Variants in SLC22A6 observed in about 807,000 individuals in gnomAD.
SLC22A6 encodes the protein PAH transporter.
In SLC22A6, 45 loss-of-function variants were observed where a neutral mutation model predicts 56.7. The ratio of observed to expected loss-of-function variants is 0.79; its 90% confidence interval spans 0.63 to 1.02. SLC22A6 has a LOEUF of 1.02. Among genes scored for constraint, SLC22A6 ranks in the 50% least tolerant of loss-of-function variants. The pLI is 0.00. For missense variants in SLC22A6, 606 were observed against 713.8 expected (o/e 0.85, Z 1.72); for synonymous variants, 291 against 295.9 (o/e 0.98, Z 0.17).
chr11:62,979,485 C>A lies in SLC22A6; in HGVS notation c.1361+3G>T, dbSNP rs780737451. On this transcript the variant is annotated splice_donor_region_variant and intron_variant, in intron 8 of 9. Transcript: ENST00000360421. ...GTCATTCTCCCATTAGGCTCCCACT[C>A]ACCGGATCATTGTGGGATACAGTTC... 1.9e-6 allele frequency: 3 copies of A among 1,563,776 alleles called. No individual in the cohort carries two copies. Among genetic ancestry groups the A allele is most frequent in the Non-Finnish European group, 8.8e-7 (1 of 1,134,252 alleles).
chr11:62,979,994 A>AAGTGGGGTGCTCTTTCAAAAC (rs1187539224), intron 6 of SLC22A6, 46 bp from the exon 7 acceptor site: 8 of 1,409,482 alleles, frequency 5.7e-6, no homozygotes, highest in Non-Finnish European at 8.0e-6. Flanking sequence ...GGAAGGCTTA[A>AAGTGGGGTGCTCTTTCAAAAC]AGTGGGGTGC....
chr11:62,977,414 T>C (rs760331832), intron 8 of SLC22A6, 27 bp from the exon 9 acceptor site: 9 of 1,591,970 alleles, frequency 5.7e-6, no homozygotes, highest in Non-Finnish European at 6.8e-6. Flanking sequence ...AGATGGGTGT[T>C]GGTTAGAGTT....
Position 62,984,904 on chromosome 11 carries a change from C to T in SLC22A6, c.-214G>A. 1.7e-6 allele frequency: 1 copy of T among 577,036 alleles called. No individual in the cohort carries two copies. Among genetic ancestry groups the T allele is most frequent in the South Asian group, 2.1e-5 (1 of 47,838 alleles). The allele number at this position is 577,036 out of a possible 1,614,324, so 35.7% of individuals were successfully genotyped here. ...TCCCCGGTCTCCCTGATCTGTCCCTCCCTTTTCCCTTGCAGCTTCTCCTCA... is the reference window on the plus strand; with the variant it reads ...TCCCCGGTCTCCCTGATCTGTCCCTTCCTTTTCCCTTGCAGCTTCTCCTCA... On this transcript the variant is annotated 5_prime_UTR_variant, in exon 1 of 10. Coordinates refer to ENST00000360421, the MANE Select transcript of SLC22A6 (RefSeq NM_153276.3).
chr11:62,981,080 C>T lies in SLC22A6; in HGVS notation c.942G>A (p.Gln314=), dbSNP rs747428902. The change falls in exon 6 of 10, where the codon CAG becomes CAA. Residue 314 remains glutamine, a synonymous_variant. Transcript: ENST00000360421. ...GGCCTTTGCCCATGGTCAGCTCCTT[C>T]TGCAGACTGGCCCGGAGTACCTGCT... ...LSMEVLRASL[Q]KELTMGKGQA... is the part of the protein sequence containing the mutation. 2 of 1,612,290 alleles carry T rather than the reference C, an allele frequency of 1.2e-6. No homozygotes were observed. The highest frequency in any genetic ancestry group is 8.5e-7 in the Non-Finnish European group (1 of 1,178,716).
chr11:62,984,614 A>C lies in SLC22A6; in HGVS notation c.77T>G (p.Leu26Arg), dbSNP rs2086298869. The change falls in exon 1 of 10, where the codon CTC becomes CGC. Residue 26 changes from leucine to arginine, a missense_variant. Transcript: ENST00000360421. ...GTGAGAAGCCATCAGGAGCAGGGGG[A>C]GGACCACCAGGGTGACCTGGATCTG... is the stretch of plus-strand genomic sequence containing the variant. ...FQQIQVTLVV[L>R]PLLLMASHNT... 1 of 1,613,158 alleles carries C rather than the reference A, an allele frequency of 6.2e-7. No individual in the cohort carries two copies. The highest frequency in any genetic ancestry group is 8.5e-7 in the Non-Finnish European group (1 of 1,179,784).
rs763520279 is a variant in SLC22A6, at chr11:62,983,691, C to A, written c.474G>T (p.Arg158Ser). 1.2e-6 allele frequency: 2 copies of A among 1,607,094 alleles called. No individual in the cohort carries two copies. The highest frequency in any genetic ancestry group is 1.7e-5 in the Admixed American group (1 of 58,506). Residue 158 changes from arginine to serine, a missense_variant and splice_region_variant, in exon 3 of 10, where the codon AGG becomes AGT. Arg to Ser is a moderately radical substitution (Grantham distance 110, BLOSUM62 -1). Coordinates refer to ENST00000360421, the MANE Select transcript of SLC22A6 (RefSeq NM_153276.3). This position sits in a 1 kb window ranked among gnomAD's most constrained non-coding sequence, Gnocchi z 4.5. ...AGATGAGTACCTTCCGGCGGCCTAG[C>A]CTGTGGGAGGAGGGGAGACTTGTAG... ...GAMVFGYLAD[R>S]LGRRKVLILN...
intron 8 of SLC22A6, 109 bp from the exon 9 acceptor site, chr11:62,977,496 G>T: frequency 8.0e-7 from 1 of 1,257,510 alleles, no homozygotes; most frequent in Non-Finnish European, 1.1e-6. Context: ...GGACACTCCC[G>T]GTACCTCCTC....
At chr11:62,982,517 G>A (rs1210803238) in intron 3 of SLC22A6, among the ~76,000 whole-genome samples, 1 of 152,214 alleles carries the variant, frequency 6.6e-6, no homozygotes, top group Non-Finnish European at 1.5e-5. Flanking sequence ...ACAGGGACTT[G>A]GATACTTAGG....
Position 62,979,915 on chromosome 11 carries a change from G to A in SLC22A6, c.1071C>T (p.Val357=). The change falls in exon 7 of 10, where the codon GTC becomes GTT. Residue 357 remains valine (V), a synonymous_variant. Coordinates refer to ENST00000360421, the MANE Select transcript of SLC22A6 (RefSeq NM_153276.3). ...TGACTCCAAAGCCCTGCAGGTCCAT[G>A]ACCAGCCCATAGTATGCAAAGCTAG... ...FATSFAYYGL[V]MDLQGFGVSI... is the part of the protein sequence containing the mutation. The A allele has an allele frequency of 6.2e-7, 1 of 1,614,118 alleles. No homozygotes were observed.
Position 62,983,596 on chromosome 11 carries a change from G to A in SLC22A6, c.569C>T (p.Ala190Val). The change falls in exon 3 of 10, where the codon GCC becomes GTC. Residue 190 changes from alanine (A) to valine (V), a missense_variant. Ala to Val is a moderately conservative substitution (Grantham distance 64). Coordinates refer to ENST00000360421, the MANE Select transcript of SLC22A6 (RefSeq NM_153276.3). This position sits in a 1 kb window ranked among gnomAD's most constrained non-coding sequence, Gnocchi z 4.5. ...AFAPNFPIYC[A>V]FRLLSGMALA... The stretch of plus-strand genomic sequence containing the variant: ...AGCCATGCCCGAGAGGAGCCGGAAG[G>A]CGCAGTAGATGGGGAAGTTGGGTGC... The A allele has an allele frequency of 6.3e-7, 1 of 1,595,228 alleles. No individual in the cohort carries two copies. The highest frequency in any genetic ancestry group is 8.5e-7 in the Non-Finnish European group (1 of 1,170,746).
At chr11:62,984,272 G>T (rs748581758) in intron 1 of SLC22A6, 50 bp downstream of exon 1, 18 of 1,552,524 alleles carry the variant, frequency 1.2e-5, no homozygotes, top group East Asian at 1.1e-4. Flanking sequence ...TTTAACAAAG[G>T]CCCCCATCTT....
At chr11:62,978,363 T>TTTTA (rs1565284058) in intron 8 of SLC22A6, among the ~76,000 whole-genome samples, 4 of 75,256 alleles carry the variant, frequency 5.3e-5, no homozygotes, top group Non-Finnish European at 1.4e-4. Context: ...ATTTTATTTT[T>TTTTA]TTGAGACAGA....
At chr11:62,976,907 T>C in intron 9 of SLC22A6, 26 bp from the exon 10 acceptor site, 1 of 1,611,820 alleles carries the variant, frequency 6.2e-7, no homozygotes, top group Non-Finnish European at 8.5e-7. Flanking sequence ...AGAATGGCAC[T>C]CTGGGTATGC....
chr11:62,982,123 G>T, intron 3 of SLC22A6, 113 bp from the exon 4 acceptor site: 2 of 955,512 alleles, frequency 2.1e-6, no homozygotes, highest in Non-Finnish European at 3.1e-6. Context: ...AAAATGCATC[G>T]AGTAAGTTGA....
chr11:62,978,552 T>C (rs2086216158), intron 8 of SLC22A6, among the ~76,000 whole-genome samples: 1 of 149,898 alleles, frequency 6.7e-6, no homozygotes, highest in African/African-American at 2.5e-5. Context: ...TTCACCATGT[T>C]GGTTAGCCAG....
chr11:62,977,313 G>T lies in SLC22A6; in HGVS notation c.1436C>A (p.Ala479Asp). The change falls in exon 9 of 10, where the codon GCC (alanine) becomes GAC (aspartate). Residue 479 changes from alanine (A) to aspartate (D), a missense_variant. By Grantham distance (126) the Ala-to-Asp change is moderately radical. Coordinates refer to ENST00000360421, the MANE Select transcript of SLC22A6 (RefSeq NM_153276.3). ...GAGAGGCATGGAGGGGTAGAGCTCG[G>T]CAGTCATGCTCACCAGTGGGCTCAC... ...SIVSPLVSMT[A>D]ELYPSMPLFI... 6.2e-7 allele frequency: 1 copy of T among 1,613,666 alleles called. No homozygotes were observed. The highest frequency in any genetic ancestry group is 8.5e-7 in the Non-Finnish European group (1 of 1,179,976).
rs771132626 is a variant in SLC22A6 at position 62,977,181 on chromosome 11, C to T, written c.1565+3G>A. The T allele has an allele frequency of 1.1e-5, 18 of 1,614,084 alleles. No homozygotes were observed. The Admixed American group carries it at 2.5e-4, about 22-fold the overall frequency. ...CCCTGCTTCTTTCTGAGTGGGGGCC[C>T]ACCTGCTCTCCAGGTCCTGCACCGT... On this transcript the variant is annotated splice_donor_region_variant and intron_variant, in intron 9 of 9. Coordinates refer to ENST00000360421, the MANE Select transcript of SLC22A6 (RefSeq NM_153276.3).
At position 62,983,145 on chromosome 11, in the gene SLC22A6, C is replaced by T. The variant is rs1167916358; in HGVS notation, c.628+392G>A. 2.0e-5 allele frequency among the ~76,000 whole-genome samples: 3 copies of T among 151,916 alleles called. No homozygotes were observed. Among genetic ancestry groups the T allele is most frequent in the Non-Finnish European group, 2.9e-5 (2 of 67,994 alleles). ...CTGAAAGCTCCGCCTCCCGGGTTCA[C>T]GCCATTCTCCTGCCTCAGCCTCCCG... On this transcript the variant is annotated intron_variant, in intron 3 of 9. Transcript: ENST00000360421. The surrounding 1 kb of genome is among the most constrained non-coding windows in gnomAD (Gnocchi z 4.5).
intron 3 of SLC22A6, among the ~76,000 whole-genome samples, chr11:62,982,914 C>T (rs896685188): frequency 6.6e-6 from 1 of 152,208 alleles, no homozygotes. Context: ...CTGCCTGGAG[C>T]AGCTGCATGC....
Sources: gnomAD v4.1 joint callset for allele counts (sites outside exome capture counted in the v4.1 genomes callset) on GRCh38, gnomAD v4.1.1 for gene constraint, Gnocchi (gnomAD v3.1) non-coding constraint, MANE v1.5 for transcripts, NCBI Gene and HGNC (gene_info 2026-07-23, HGNC 2026-07-21) for gene names.